Variants in RIF1 observed in about 807,000 individuals in gnomAD.
RIF1 encodes the protein replication timing regulatory factor 1.
In RIF1, 45 loss-of-function variants were observed where a neutral mutation model predicts 247.1. The ratio of observed to expected loss-of-function variants is 0.18; its 90% CI spans 0.14 to 0.23. The LOEUF (loss-of-function observed/expected upper bound fraction) is 0.23, where lower values mean the gene tolerates loss of function less well. Among genes scored for constraint, RIF1 ranks in the 10% least tolerant of loss-of-function variants. The probability of loss-of-function intolerance (pLI) is 1.00; values close to 1 mark genes in which losing one functional copy is unlikely to be tolerated. For synonymous variants in RIF1, 1,087 were observed against 978.8 expected (o/e 1.11, Z -2.06); for missense variants, 2,967 against 2,862.5 (o/e 1.04, Z -0.83).
At chr2:151,438,296 T>C (rs1348663904) in intron 13 of RIF1, among the ~76,000 whole-genome samples, 1 of 151,972 alleles carries the variant, frequency 6.6e-6, no homozygotes, top group Non-Finnish European at 1.5e-5. Context: ...CTAGGAAATG[T>C]AGTGAGAGTG....
In RIF1 at chr2:151,435,499, G is replaced by A. The variant is rs1194877392; in HGVS notation, c.1114G>A (p.Asp372Asn). 3 of 1,612,494 alleles carry A rather than the reference G, an allele frequency of 1.9e-6. No homozygotes were observed. The East Asian group carries it at 6.7e-5, about 36-fold the overall frequency. The change falls in exon 11 of 36, where the codon GAT (aspartate) becomes AAT (asparagine). Residue 372 changes from aspartate to asparagine, a missense_variant. Around this residue, in one of 7 missense-constraint regions of RIF1, gnomAD observed 369 missense variants for 322.0 expected, o/e 1.15. Coordinates refer to ENST00000444746, the MANE Select transcript of RIF1 (RefSeq NM_018151.5). The part of the protein sequence containing the change: ...VPLIQSTISI[D>N]SNASPQGNSC... The stretch of plus-strand genomic sequence containing the variant: ...TCTGATTCAAAGTACAATAAGCATT[G>A]ATTCTAATGCCTCACCTCAGGGCAA...
intron 24 of RIF1, 96 bp downstream of exon 24, chr2:151,458,059 G>A: frequency 1.2e-6 from 1 of 809,554 alleles, no homozygotes; most frequent in Non-Finnish European, 2.0e-6. Context: ...ATGGGGTATT[G>A]TTACAGAGGA....
chr2:151,527,888 T>G, the RIF1 span, among the ~76,000 whole-genome samples: 1 of 152,344 alleles, frequency 6.6e-6, no homozygotes, highest in South Asian at 2.1e-4. Context: ...TCGAGTACTT[T>G]TAATTTCAAA....
chr2:151,495,920 G>C (rs922407605), intron 10 of RIF1, among the ~76,000 whole-genome samples: 6 of 152,074 alleles, frequency 3.9e-5, no homozygotes, highest in Admixed American at 3.9e-4. Context: ...ATTTAAGAAA[G>C]AGCCGCATTG....
chr2:151,522,551 T>A, the RIF1 span, among the ~76,000 whole-genome samples: 1 of 152,164 alleles, frequency 6.6e-6, no homozygotes, highest in East Asian at 1.9e-4. Context: ...GAAAGTTTCA[T>A]GCAGGAAAAG....
In RIF1 at chr2:151,506,944, G is replaced by A. The variant is rs759103372; in HGVS notation, c.*1027+569G>A. On this transcript the variant is annotated intron_variant and NMD_transcript_variant, in intron 13 of 13. Transcript: ENST00000454583. ...TTCTTCTGATTTTCTTTTACACGCA[G>A]TATTTCTGGCGTGTCTTGAACAACT... 1 of 1,611,054 alleles carries A rather than the reference G, an allele frequency of 6.2e-7. No homozygotes were observed. The highest frequency in any genetic ancestry group is 1.3e-5 in the African/African-American group (1 of 74,948).
rs181469845 is a variant in RIF1, at chr2:151,437,592, G to A, written c.1483+241G>A. ...TGTAGTCCCAGCTACTCGGGAGGCG[G>A]AGGCATGAGAATTGCTTGAGCCCAG... On this transcript the variant is annotated intron_variant, in intron 13 of 35. Transcript: ENST00000444746. Among the ~76,000 whole-genome samples, 585 of 152,272 alleles carry A rather than the reference G, an allele frequency of 3.8e-3. 2 individuals carry two copies. Among genetic ancestry groups the A allele is most frequent in the Non-Finnish European group, 6.3e-3 (427 of 68,022 alleles).
chr2:151,450,940 A>G lies in RIF1; in HGVS notation c.2245-666A>G, dbSNP rs547497758. ...GGTTTAGTGAAAACTTTTACTTCAT[A>G]ATTTTCAAGAGGAATTTGATAGAGA... is the stretch of plus-strand genomic sequence containing the variant. On this transcript the variant is annotated intron_variant, in intron 20 of 35. Transcript: ENST00000444746. Among the ~76,000 whole-genome samples, 38 of 152,298 alleles carry G rather than the reference A, an allele frequency of 2.5e-4. No homozygotes were observed. The South Asian group carries it at 7.9e-3, about 32-fold the overall frequency.
chr2:151,476,115 T>A lies in RIF1; in HGVS notation c.*1044T>A, dbSNP rs139632537. The stretch of plus-strand genomic sequence containing the variant: ...TTCATACCCTTACCTTCTTACTACT[T>A]TTGGTTTGGAGGAGGGTATCACCAC... On this transcript the variant is annotated 3_prime_UTR_variant, in exon 36 of 36. Coordinates refer to ENST00000444746, the MANE Select transcript of RIF1 (RefSeq NM_018151.5). 1.3e-5 allele frequency: 2 copies of A among 152,178 alleles called. No homozygotes were observed. Among genetic ancestry groups the A allele is most frequent in the Admixed American group, 6.5e-5 (1 of 15,296 alleles). The allele number at this position is 152,178 out of a possible 1,614,324, so 9.4% of individuals were successfully genotyped here. A position where few individuals can be genotyped will look rare whatever the true frequency, so the allele number is the denominator to read the frequency against.
the RIF1 span, among the ~76,000 whole-genome samples, chr2:151,522,035 T>C: frequency 6.6e-6 from 1 of 152,196 alleles, no homozygotes; most frequent in Non-Finnish European, 1.5e-5. Flanking sequence ...CCATGGGAGC[T>C]AAGAGGCAAC....
the RIF1 span, chr2:151,524,449 G>A: frequency 5.0e-6 from 8 of 1,609,214 alleles, no homozygotes; most frequent in African/African-American, 9.4e-5. Context: ...GGCAACAGGT[G>A]ATGGTTGCCT....
chr2:151,461,523 C>G lies in RIF1; in HGVS notation c.3227+234C>G, dbSNP rs575527027. Among the ~76,000 whole-genome samples the G allele has an allele frequency of 7.9e-5, 12 of 152,008 alleles. No homozygotes were observed. The East Asian group carries it at 2.1e-3, about 27-fold the overall frequency. ...TCTCCTGCCTCAGCCTCCCGAGTAG[C>G]TGGGACCACAGGCATGTGCCACCAC... On this transcript the variant is annotated intron_variant, in intron 27 of 35. Transcript: ENST00000444746.
rs537560378 is a variant in RIF1 at position 151,506,189 on chromosome 2, G to A, written c.*862-21G>A. 2 of 1,613,318 alleles carry A rather than the reference G, an allele frequency of 1.2e-6. No homozygotes were observed. The highest frequency in any genetic ancestry group is 2.2e-5 in the South Asian group (2 of 91,056). On this transcript the variant is annotated intron_variant and NMD_transcript_variant, in intron 12 of 13. Transcript: ENST00000454583. ...ACCGAGCTAATGTGGTCCTGTGTTT[G>A]TTTCACTCTCATCATCTCAGGTGTC...
At chr2:151,452,391 A>G (rs1694468328) in intron 21 of RIF1, among the ~76,000 whole-genome samples, 1 of 152,268 alleles carries the variant, frequency 6.6e-6, no homozygotes, top group Admixed American at 6.5e-5. Context: ...ATCTGTCATT[A>G]ATGAAAAATG....
At chr2:151,495,948 C>G (rs78895794) in intron 10 of RIF1, among the ~76,000 whole-genome samples, 2,405 of 152,232 alleles carry the variant, frequency 0.016, 86 homozygotes, top group East Asian at 0.14. Flanking sequence ...TCCACCACCC[C>G]ACACGTACCC....
At chr2:151,439,768 GA>G (rs368487386) in intron 14 of RIF1, among the ~76,000 whole-genome samples, 36 of 151,438 alleles carry the variant, frequency 2.4e-4, no homozygotes, top group African/African-American at 6.5e-4. Context: ...TGGATCACCT[GA>G]GGTCAGGAGT....
chr2:151,485,537 A>G, downstream of RIF1: 2 of 397,460 alleles, frequency 5.0e-6, no homozygotes. Context: ...TTTATAATGG[A>G]GAAAGACTCT....
At chr2:151,472,430 G>A (rs1350983610) in intron 34 of RIF1, among the ~76,000 whole-genome samples, 2 of 152,150 alleles carry the variant, frequency 1.3e-5, no homozygotes, top group African/African-American at 2.4e-5. Context: ...TGTGAGAGAG[G>A]GCATCCCTGT....
chr2:151,443,056 G>A (rs1374360446), intron 16 of RIF1, among the ~76,000 whole-genome samples: 2 of 152,064 alleles, frequency 1.3e-5, no homozygotes, highest in Admixed American at 6.6e-5. Context: ...CATTACAGGA[G>A]TGAGCCACTG....
Sources: allele counts gnomAD v4.1 joint callset (sites outside exome capture counted in the v4.1 genomes callset), GRCh38; gene constraint gnomAD v4.1.1; regional missense constraint gnomAD v4.1.1; transcripts MANE v1.5; gene names NCBI Gene and HGNC (gene_info 2026-07-23, HGNC 2026-07-21).